SPAG16: variants seen among roughly 807,000 people sequenced by gnomAD.
SPAG16 encodes sperm associated antigen 16.
Under a neutral mutation model 80.4 loss-of-function variants are expected in SPAG16, and 86 were observed. That is an observed-to-expected ratio of 1.07 (90% CI 0.90 to 1.28). The LOEUF is 1.28. SPAG16 is among the 50% of genes most tolerant of loss of function. SPAG16 has a pLI of 0.00. For synonymous variants in SPAG16, 294 were observed against 265.9 expected (o/e 1.11, Z -1.03); for missense variants, 870 against 765.3 (o/e 1.14, Z -1.61).
At chr2:213,338,344 A>G (rs1575253804) in intron 5 of SPAG16, among the ~76,000 whole-genome samples, 1 of 152,230 alleles carries the variant, frequency 6.6e-6, no homozygotes, top group South Asian at 2.1e-4. Flanking sequence ...TCATAGTGAC[A>G]GGATCAAATT....
At chr2:214,040,597 T>A (rs1339961576) in intron 13 of SPAG16, among the ~76,000 whole-genome samples, 1 of 152,190 alleles carries the variant, frequency 6.6e-6, no homozygotes, top group South Asian at 2.1e-4. Context: ...TCCAGCTCCA[T>A]CCATGTCCCT....
intron 15 of SPAG16, among the ~76,000 whole-genome samples, chr2:214,198,902 CT>C (rs2057926990): frequency 6.6e-6 from 1 of 151,928 alleles, no homozygotes; most frequent in Non-Finnish European, 1.5e-5. Flanking sequence ...TGTATATCTT[CT>C]TTTGAGAACT....
At chr2:213,432,974 C>G (rs1364899478) in intron 9 of SPAG16, among the ~76,000 whole-genome samples, 1 of 152,138 alleles carries the variant, frequency 6.6e-6, no homozygotes, top group African/African-American at 2.4e-5. Flanking sequence ...AAATATGGTT[C>G]ATCACACAAA....
intron 15 of SPAG16, among the ~76,000 whole-genome samples, chr2:214,403,478 A>G (rs1027631676): frequency 6.6e-6 from 1 of 151,964 alleles, no homozygotes; most frequent in Non-Finnish European, 1.5e-5. Flanking sequence ...CCTATTTTAC[A>G]TTCTTTCTTC....
intron 11 of SPAG16, among the ~76,000 whole-genome samples, chr2:213,889,275 T>A (rs921356766): frequency 2.6e-5 from 4 of 152,038 alleles, no homozygotes; most frequent in African/African-American, 9.6e-5. Flanking sequence ...TGTATAAATA[T>A]ATCATCTAAA....
chr2:213,855,553 G>C (rs76767261), intron 10 of SPAG16, among the ~76,000 whole-genome samples: 29,915 of 152,176 alleles, frequency 0.2, 3,635 homozygotes, highest in South Asian at 0.32. Context: ...AAGTGTATTG[G>C]TTAATATGCT....
At chr2:213,819,034 C>G (rs1318443881) in intron 10 of SPAG16, among the ~76,000 whole-genome samples, 2 of 152,302 alleles carry the variant, frequency 1.3e-5, no homozygotes, top group Admixed American at 1.3e-4. Flanking sequence ...ATTCATTCAT[C>G]TGTATGTTTA....
intron 14 of SPAG16, among the ~76,000 whole-genome samples, chr2:214,113,925 G>T (rs566814261): frequency 4.6e-5 from 7 of 152,132 alleles, no homozygotes; most frequent in African/African-American, 1.7e-4. Context: ...AGAATTTTCA[G>T]CTTTTCTGCT....
intron 10 of SPAG16, among the ~76,000 whole-genome samples, chr2:213,825,701 C>CTTTTTTTT (rs55777958): frequency 6.1e-4 from 67 of 109,706 alleles, no homozygotes; most frequent in Middle Eastern, 5.3e-3. Context: ...TTCTTTCTTT[C>CTTTTTTTT]TTTTTTTTTT....
In SPAG16 at chr2:213,862,590, C is replaced by T; in HGVS notation, c.1176C>T (p.Gly392=). Residue 392 remains glycine, a synonymous_variant, in exon 11 of 16, where the codon GGC becomes GGT. Coordinates refer to ENST00000331683, the MANE Select transcript of SPAG16 (RefSeq NM_024532.5). ...PKCNVLLTGF[G]HTDWLSDCCF... ...GCAATGTGCTTCTCACGGGATTTGG[C>T]CACACTGACTGGCTTTCAGACTGCT... 1 of 1,614,070 alleles carries T rather than the reference C, an allele frequency of 6.2e-7. No individual in the cohort carries two copies. The highest frequency in any genetic ancestry group is 8.5e-7 in the Non-Finnish European group (1 of 1,179,990).
intron 15 of SPAG16, among the ~76,000 whole-genome samples, chr2:214,397,158 C>CTTT (rs66580402): frequency 7.7e-5 from 10 of 129,936 alleles, no homozygotes; most frequent in South Asian, 4.8e-4. Flanking sequence ...TTTTAATTTT[C>CTTT]TTTTTTTTTT....
At chr2:213,311,838 T>C (rs1413267996) in intron 4 of SPAG16, among the ~76,000 whole-genome samples, 1 of 151,580 alleles carries the variant, frequency 6.6e-6, no homozygotes, top group Non-Finnish European at 1.5e-5. Flanking sequence ...GAATATATCA[T>C]TTGCTATGAA....
At chr2:213,349,887 C>T (rs1015343415) in intron 6 of SPAG16, among the ~76,000 whole-genome samples, 53 of 152,104 alleles carry the variant, frequency 3.5e-4, no homozygotes, top group African/African-American at 1.0e-3. Context: ...ATAATGTATA[C>T]TACTTGGGTG....
At chr2:214,382,482 T>C (rs1236166012) in intron 15 of SPAG16, among the ~76,000 whole-genome samples, 2 of 152,208 alleles carry the variant, frequency 1.3e-5, no homozygotes, top group African/African-American at 4.8e-5. Context: ...TGGCAGCTGG[T>C]GCCATGTGCA....
intron 11 of SPAG16, among the ~76,000 whole-genome samples, chr2:213,866,388 A>G (rs1012046027): frequency 7.2e-5 from 11 of 152,154 alleles, no homozygotes; most frequent in Middle Eastern, 3.2e-3. Flanking sequence ...ACCATGACCA[A>G]GTAAGAATTG....
intron 13 of SPAG16, among the ~76,000 whole-genome samples, chr2:214,091,953 C>T (rs186908174): frequency 5.9e-5 from 9 of 152,184 alleles, no homozygotes; most frequent in Middle Eastern, 6.8e-3. Flanking sequence ...CACAAACACA[C>T]TTCCAGACAA....
chr2:214,014,171 G>A, intron 13 of SPAG16, 94 bp downstream of exon 13: 1 of 1,468,642 alleles, frequency 6.8e-7, no homozygotes, highest in Non-Finnish European at 9.2e-7. Flanking sequence ...AAAAGTGATT[G>A]TGCAAGGGCA....
chr2:213,987,563 T>C (rs1214570045), intron 12 of SPAG16, among the ~76,000 whole-genome samples: 1 of 152,050 alleles, frequency 6.6e-6, no homozygotes, highest in Non-Finnish European at 1.5e-5. Flanking sequence ...TATTCATATT[T>C]CCATTTTTAG....
At chr2:213,675,667 C>G (rs377134584) in intron 10 of SPAG16, among the ~76,000 whole-genome samples, 13 of 152,208 alleles carry the variant, frequency 8.5e-5, no homozygotes, top group South Asian at 4.1e-4. Flanking sequence ...ACTTGTTTTT[C>G]TCAGGTTTGT....
Sources: gnomAD v4.1 joint callset for allele counts (sites outside exome capture counted in the v4.1 genomes callset) on GRCh38, gnomAD v4.1.1 for gene constraint, MANE v1.5 for transcripts, NCBI Gene and HGNC (gene_info 2026-07-23, HGNC 2026-07-21) for gene names.